ZNF366: variants seen among roughly 807,000 people sequenced by gnomAD.
ZNF366 encodes zinc finger protein 366.
ZNF366 carries 20 observed loss-of-function variants against 47.2 expected under a neutral mutation model. The observed-to-expected ratio is 0.42, with a 90% CI of 0.30 to 0.62. The LOEUF (loss-of-function observed/expected upper bound fraction) is 0.62. Ranked by LOEUF, ZNF366 falls within the 20% of genes least tolerant of loss-of-function variation. The pLI, the probability that ZNF366 is intolerant of heterozygous loss-of-function variation, is 0.16. For synonymous variants in ZNF366, 421 were observed against 395.1 expected (o/e 1.07, Z -0.78); for missense variants, 987 against 976.3 (o/e 1.01, Z -0.15).
At chr5:72,506,935 T>C (rs1426433623) in intron 1 of ZNF366, among the ~76,000 whole-genome samples, 1 of 152,166 alleles carries the variant, frequency 6.6e-6, no homozygotes, top group African/African-American at 2.4e-5. Flanking sequence ...GAGCAAATTC[T>C]CCAGTGGGAC....
At chr5:72,500,575 T>A (rs952701042) in intron 1 of ZNF366, among the ~76,000 whole-genome samples, 1 of 152,208 alleles carries the variant, frequency 6.6e-6, no homozygotes, top group African/African-American at 2.4e-5. Flanking sequence ...TCATGCCTAC[T>A]GTTGCTCAGA....
intron 1 of ZNF366, among the ~76,000 whole-genome samples, chr5:72,465,667 T>C (rs891442102): frequency 1.3e-5 from 2 of 152,150 alleles, no homozygotes; most frequent in African/African-American, 4.8e-5. Context: ...CATTGATCCA[T>C]GGCTGCCTCC....
intron 1 of ZNF366, among the ~76,000 whole-genome samples, chr5:72,493,412 G>T (rs1216454943): frequency 2.0e-5 from 3 of 152,164 alleles, no homozygotes; most frequent in Non-Finnish European, 2.9e-5. Context: ...ATAAAGGAAA[G>T]AATTAGAAGT....
chr5:72,453,078 T>C (rs964965253), intron 3 of ZNF366, among the ~76,000 whole-genome samples: 1 of 152,200 alleles, frequency 6.6e-6, no homozygotes, highest in African/African-American at 2.4e-5. Flanking sequence ...TAATTTTCCA[T>C]CCTATTGTTA....
chr5:72,463,195 C>T (rs1282886317), intron 1 of ZNF366, among the ~76,000 whole-genome samples: 1 of 152,198 alleles, frequency 6.6e-6, no homozygotes, highest in Non-Finnish European at 1.5e-5. Flanking sequence ...ACAGCTTTTA[C>T]AATGATCCAG....
chr5:72,471,580 C>T (rs1743565482), intron 1 of ZNF366, among the ~76,000 whole-genome samples: 1 of 152,110 alleles, frequency 6.6e-6, no homozygotes, highest in South Asian at 2.1e-4. Context: ...GGGGCCGTTC[C>T]CATCATAGTC....
At chr5:72,452,079 G>C (rs4703889) in intron 3 of ZNF366, among the ~76,000 whole-genome samples, 130,480 of 152,264 alleles carry the variant, frequency 0.86, 56,087 homozygotes, top group East Asian at 0.96. Flanking sequence ...CAGCCAGCCT[G>C]GTGTGAGCTT....
chr5:72,460,147 C>T lies in ZNF366; in HGVS notation c.1332+18G>A, dbSNP rs146796430. On this transcript the variant is annotated intron_variant, in intron 2 of 4. Transcript: ENST00000318442. Reference sequence around the variant, plus strand: ...TCTTCCCAAGGCCCCGTCCGCCCCACCAGAGGCCCCGCAGTACCTTGTGGG... The same window carrying T: ...TCTTCCCAAGGCCCCGTCCGCCCCATCAGAGGCCCCGCAGTACCTTGTGGG... 4.0e-4 allele frequency: 645 copies of T among 1,609,972 alleles called. 5 individuals carry two copies. In the East Asian group the frequency reaches 9.8e-3, roughly 24 times the overall value.
intron 3 of ZNF366, among the ~76,000 whole-genome samples, chr5:72,453,026 A>G (rs1318312734): frequency 6.6e-6 from 1 of 152,214 alleles, no homozygotes; most frequent in Non-Finnish European, 1.5e-5. Context: ...TTTATAAGGA[A>G]AAAAAGAAAA....
chr5:72,476,945 T>C (rs1734360286), intron 1 of ZNF366, among the ~76,000 whole-genome samples: 2 of 152,056 alleles, frequency 1.3e-5, no homozygotes, highest in Admixed American at 1.3e-4. Flanking sequence ...TTTTTTTTTT[T>C]CACTTCTGTC....
chr5:72,452,747 G>T (rs560385250), intron 3 of ZNF366, among the ~76,000 whole-genome samples: 16 of 152,366 alleles, frequency 1.1e-4, no homozygotes, highest in Admixed American at 6.5e-4. Context: ...TCTCAAAAGA[G>T]AATTTGTCCC....
chr5:72,482,597 A>G (rs896956057), intron 1 of ZNF366, among the ~76,000 whole-genome samples: 2 of 152,230 alleles, frequency 1.3e-5, no homozygotes, highest in Non-Finnish European at 1.5e-5. Context: ...TTATGGGATT[A>G]CAATACATTG....
intron 1 of ZNF366, among the ~76,000 whole-genome samples, chr5:72,503,352 A>G (rs1047843987): frequency 2.6e-5 from 4 of 152,212 alleles, no homozygotes; most frequent in African/African-American, 9.7e-5. Flanking sequence ...ATTTAAAAGC[A>G]TGGCTCTTAA....
intron 1 of ZNF366, among the ~76,000 whole-genome samples, chr5:72,496,413 G>T (rs918266377): frequency 6.6e-6 from 1 of 152,038 alleles, no homozygotes; most frequent in African/African-American, 2.4e-5. Context: ...ATTGTGTCTG[G>T]CTTCTTTCTC....
intron 1 of ZNF366, among the ~76,000 whole-genome samples, chr5:72,471,134 G>T (rs559055589): frequency 6.6e-6 from 1 of 152,120 alleles, no homozygotes; most frequent in African/African-American, 2.4e-5. Flanking sequence ...CAGATTCCCC[G>T]TGACTCTCCA....
At chr5:72,450,090 G>C (rs1042097333) in intron 3 of ZNF366, among the ~76,000 whole-genome samples, 2 of 152,228 alleles carry the variant, frequency 1.3e-5, no homozygotes, top group Non-Finnish European at 2.9e-5. Context: ...ACTGGTCTGA[G>C]AAGGTTTTGG....
intron 3 of ZNF366, among the ~76,000 whole-genome samples, chr5:72,448,466 T>C (rs2112316567): frequency 6.6e-6 from 1 of 152,300 alleles, no homozygotes; most frequent in East Asian, 1.9e-4. Context: ...CCCCAAGCCT[T>C]ACTAGAACAG....
intron 2 of ZNF366, among the ~76,000 whole-genome samples, chr5:72,459,057 A>G (rs528004963): frequency 2.0e-5 from 3 of 152,196 alleles, no homozygotes; most frequent in African/African-American, 7.2e-5. Flanking sequence ...TCCCCTCTGG[A>G]TAGTATCTAC....
chr5:72,444,035 C>T lies in ZNF366; in HGVS notation c.1956G>A (p.Ser652=), dbSNP rs1398852749. ...CCTCCAGCACCTCGGGGGCGTGCTC[C>T]GACTTGGTGGACAGATCCTCGGGTG... is the stretch of plus-strand genomic sequence containing the variant. ...LCTPEDLSTK[S]EHAPEVLEEA... is the part of the protein sequence containing the mutation. The change falls in exon 5 of 5, where the codon TCG becomes TCA. Residue 652 remains serine (S), a synonymous_variant. Coordinates refer to ENST00000318442, the MANE Select transcript of ZNF366 (RefSeq NM_152625.3). The T allele has an allele frequency of 2.5e-6, 4 of 1,614,076 alleles. No individual in the cohort carries two copies. Among genetic ancestry groups the T allele is most frequent in the African/African-American group, 1.3e-5 (1 of 74,942 alleles).
Sources: allele counts gnomAD v4.1 joint callset (sites outside exome capture counted in the v4.1 genomes callset), GRCh38; gene constraint gnomAD v4.1.1; transcripts MANE v1.5; gene names NCBI Gene and HGNC (gene_info 2026-07-23, HGNC 2026-07-21).